AGTPBP1: variants seen among roughly 807,000 people sequenced by gnomAD.
AGTPBP1 encodes ATP/GTP binding carboxypeptidase 1.
A neutral mutation model predicts 143.9 loss-of-function variants in AGTPBP1; 70 were observed. The observed-to-expected ratio is 0.49, with a 90% CI of 0.40 to 0.59. The LOEUF (loss-of-function observed/expected upper bound fraction) is 0.59. AGTPBP1 is among the 20% of genes least tolerant of loss of function. AGTPBP1 has a pLI of 0.00. For synonymous variants in AGTPBP1, 463 were observed against 500.2 expected, an observed-to-expected ratio of 0.93 and a Z score of 0.99; for missense variants, 1,229 against 1,464.5, an observed-to-expected ratio of 0.84 and a Z score of 2.62.
chr9:85,794,902 GTTC>G, the AGTPBP1 span, among the ~76,000 whole-genome samples: 1 of 152,068 alleles, frequency 6.6e-6, no homozygotes, highest in African/African-American at 2.4e-5. Context: ...GTGGAATTGT[GTTC>G]TTAATTTCAT....
chr9:85,641,852 T>A (rs946696436), intron 13 of AGTPBP1, among the ~76,000 whole-genome samples: 1 of 151,944 alleles, frequency 6.6e-6, no homozygotes, highest in Non-Finnish European at 1.5e-5. Context: ...GTGTGTCTCA[T>A]CACGCCCGGC....
chr9:85,649,705 G>A (rs1688498617), intron 11 of AGTPBP1, among the ~76,000 whole-genome samples: 1 of 152,030 alleles, frequency 6.6e-6, no homozygotes, highest in Non-Finnish European at 1.5e-5. Flanking sequence ...GCTTGTTCAG[G>A]AAATATTCCT....
At chr9:85,634,967 C>G (rs1341517288) in intron 13 of AGTPBP1, among the ~76,000 whole-genome samples, 1 of 152,066 alleles carries the variant, frequency 6.6e-6, no homozygotes, top group Non-Finnish European at 1.5e-5. Context: ...AAAAAAATTT[C>G]TAATGTGGTA....
chr9:85,626,824 C>T (rs1274050365), intron 14 of AGTPBP1, among the ~76,000 whole-genome samples: 1 of 152,104 alleles, frequency 6.6e-6, no homozygotes, highest in Admixed American at 6.6e-5. Flanking sequence ...TTTGTGGACA[C>T]GAATATGAAT....
chr9:85,673,707 T>C (rs149869457), intron 6 of AGTPBP1, among the ~76,000 whole-genome samples: 116 of 152,224 alleles, frequency 7.6e-4, no homozygotes, highest in African/African-American at 2.7e-3. Context: ...TTAGCTACAA[T>C]GTTCACTATT....
the AGTPBP1 span, among the ~76,000 whole-genome samples, chr9:85,801,413 C>T: frequency 5.9e-5 from 9 of 152,276 alleles, no homozygotes; most frequent in African/African-American, 2.2e-4. Flanking sequence ...GTAATAATCA[C>T]ATCATGTAAA....
chr9:85,595,256 AT>A lies in AGTPBP1; in HGVS notation c.2423+1105del, dbSNP rs1190343888. 2.6e-5 allele frequency among the ~76,000 whole-genome samples: 4 copies of A among 152,340 alleles called. No individual in the cohort carries two copies. The East Asian group carries it at 7.7e-4, about 29-fold the overall frequency. On this transcript the variant is annotated intron_variant, in intron 18 of 25. Coordinates refer to ENST00000357081, the MANE Select transcript of AGTPBP1 (RefSeq NM_001330701.2). ...AATTTTAGAAGCCTTCTTCTAATTG[AT>A]AAAACTAAAAAACAAGGGCATTAGT...
the AGTPBP1 span, among the ~76,000 whole-genome samples, chr9:85,772,911 C>T: frequency 0.02 from 3,063 of 152,124 alleles, 95 homozygotes; most frequent in African/African-American, 0.069. Flanking sequence ...TAAATGTAAA[C>T]TGCATAGATT....
chr9:85,549,146 T>C (rs997888917), intron 25 of AGTPBP1, among the ~76,000 whole-genome samples: 3 of 152,140 alleles, frequency 2.0e-5, no homozygotes, highest in African/African-American at 7.2e-5. Context: ...AAAAGACAAA[T>C]CTTCTCTTGC....
In AGTPBP1 at chr9:85,615,629, T is replaced by C. The variant is rs1235873459; in HGVS notation, c.2335+3354A>G. ...AGAGTAAAACTTAATTTTAAAATTATGTATGTGAATGTGAATAAGTTTAAG... is the reference window on the plus strand; with the variant it reads ...AGAGTAAAACTTAATTTTAAAATTACGTATGTGAATGTGAATAAGTTTAAG... On this transcript the variant is annotated intron_variant, in intron 17 of 25. Coordinates refer to ENST00000357081, the MANE Select transcript of AGTPBP1 (RefSeq NM_001330701.2). 2.6e-5 allele frequency among the ~76,000 whole-genome samples: 4 copies of C among 152,074 alleles called. No individual in the cohort carries two copies. The South Asian group carries it at 6.2e-4, about 24-fold the overall frequency.
intron 1 of AGTPBP1, among the ~76,000 whole-genome samples, chr9:85,717,253 C>G (rs1837765288): frequency 6.6e-6 from 1 of 152,154 alleles, no homozygotes; most frequent in African/African-American, 2.4e-5. Flanking sequence ...CCTGCAATCC[C>G]AACACTTTGG....
At chr9:85,710,447 G>GA (rs1837292475) in intron 2 of AGTPBP1, among the ~76,000 whole-genome samples, 1 of 151,842 alleles carries the variant, frequency 6.6e-6, no homozygotes, top group Non-Finnish European at 1.5e-5. Flanking sequence ...ACAAAGCCTG[G>GA]AAGTATTATT....
At chr9:85,676,719 T>C (rs1316242278) in intron 6 of AGTPBP1, among the ~76,000 whole-genome samples, 1 of 152,168 alleles carries the variant, frequency 6.6e-6, no homozygotes, top group African/African-American at 2.4e-5. Flanking sequence ...ATAAGTATAT[T>C]GAAGAATATC....
intron 12 of AGTPBP1, among the ~76,000 whole-genome samples, chr9:85,643,193 CA>C (rs1832606963): frequency 6.6e-6 from 1 of 151,624 alleles, no homozygotes; most frequent in Admixed American, 6.6e-5. Flanking sequence ...TCTGGCTACT[CA>C]AAACAGAAAA....
the AGTPBP1 span, among the ~76,000 whole-genome samples, chr9:85,757,233 A>ATT: frequency 3.9e-4 from 60 of 152,022 alleles, no homozygotes; most frequent in African/African-American, 1.4e-3. Context: ...TGCCCAGCTA[A>ATT]TTTTTGTATT....
chr9:85,624,316 T>C (rs748904165), intron 14 of AGTPBP1, among the ~76,000 whole-genome samples: 24 of 152,210 alleles, frequency 1.6e-4, no homozygotes, highest in Admixed American at 1.3e-3. Flanking sequence ...GACCAGGGTT[T>C]GACTCTTGGC....
chr9:85,694,341 C>T lies in AGTPBP1; in HGVS notation c.33-1528G>A, dbSNP rs182777951. Among the ~76,000 whole-genome samples, 450 of 152,208 alleles carry T rather than the reference C, an allele frequency of 3.0e-3. 3 individuals are homozygous for T. The highest frequency in any genetic ancestry group is 0.01 in the African/African-American group (432 of 41,538). On this transcript the variant is annotated intron_variant, in intron 2 of 25. Coordinates refer to ENST00000357081, the MANE Select transcript of AGTPBP1 (RefSeq NM_001330701.2). ...TTCAATTAATCGACTTGTAGGCACACAAGTATGATCTAGGAGCTCCTACCA... is the reference window on the plus strand; with the variant it reads ...TTCAATTAATCGACTTGTAGGCACATAAGTATGATCTAGGAGCTCCTACCA...
intron 13 of AGTPBP1, among the ~76,000 whole-genome samples, chr9:85,641,394 T>C (rs1403265689): frequency 6.6e-6 from 1 of 152,242 alleles, no homozygotes; most frequent in African/African-American, 2.4e-5. Flanking sequence ...GGATAACTGC[T>C]GTAGGTTGAA....
intron 25 of AGTPBP1, among the ~76,000 whole-genome samples, chr9:85,559,527 A>C (rs1432393494): frequency 1.3e-5 from 2 of 152,048 alleles, no homozygotes; most frequent in African/African-American, 2.4e-5. Context: ...GGAATAACAC[A>C]GGGTGGTCAC....
Sources: allele counts gnomAD v4.1 joint callset (sites outside exome capture counted in the v4.1 genomes callset), GRCh38; gene constraint gnomAD v4.1.1; transcripts MANE v1.5; gene names NCBI Gene and HGNC (gene_info 2026-07-23, HGNC 2026-07-21).